HDAC9: variants seen among roughly 807,000 people sequenced by gnomAD.
The protein encoded by HDAC9 is histone deacetylase 9, also known as MEF-2 interacting transcription repressor (MITR) protein.
In HDAC9, 41 loss-of-function variants were observed where a neutral mutation model predicts 139.4. The observed-to-expected ratio is 0.29, with a 90% CI of 0.23 to 0.38. The LOEUF (loss-of-function observed/expected upper bound fraction) is 0.38. Among genes scored for constraint, HDAC9 ranks in the 10% least tolerant of loss-of-function variants. The pLI is 1.00. For synonymous variants in HDAC9, 517 were observed against 476.2 expected, an observed-to-expected ratio of 1.09 and a Z score of -1.12; for missense variants, 1,147 against 1,297.0, an observed-to-expected ratio of 0.88 and a Z score of 1.78.
At chr7:18,880,172 G>A (rs575051594) in intron 22 of HDAC9, among the ~76,000 whole-genome samples, 1 of 152,260 alleles carries the variant, frequency 6.6e-6, no homozygotes, top group African/African-American at 2.4e-5. Flanking sequence ...TGCTGGCAAG[G>A]TTGCGGAGAA....
intron 12 of HDAC9, among the ~76,000 whole-genome samples, chr7:18,723,359 C>A (rs1785282165): frequency 6.6e-6 from 1 of 152,172 alleles, no homozygotes; most frequent in Admixed American, 6.5e-5. Context: ...CTTCATGGAA[C>A]TTACTAACTA....
chr7:18,734,507 G>T (rs1370328249), intron 13 of HDAC9, among the ~76,000 whole-genome samples: 1 of 152,124 alleles, frequency 6.6e-6, no homozygotes, highest in Non-Finnish European at 1.5e-5. Context: ...GTGATAGTTT[G>T]CTGAGAATGG....
chr7:18,590,143 C>G (rs963755707), intron 3 of HDAC9, among the ~76,000 whole-genome samples, 193 bp from the exon 4 acceptor site: 1 of 152,152 alleles, frequency 6.6e-6, no homozygotes, highest in African/African-American at 2.4e-5. Flanking sequence ...CTAAAACTTG[C>G]CTGTTGATGA....
At chr7:18,139,517 C>CT (rs1411120416) in intron 1 of HDAC9, among the ~76,000 whole-genome samples, 1 of 152,092 alleles carries the variant, frequency 6.6e-6, no homozygotes, top group Non-Finnish European at 1.5e-5. Context: ...TTTGCTATTC[C>CT]TTTTTTCCGT....
At chr7:18,734,088 G>C (rs1786655314) in intron 13 of HDAC9, among the ~76,000 whole-genome samples, 1 of 151,976 alleles carries the variant, frequency 6.6e-6, no homozygotes, top group Non-Finnish European at 1.5e-5. Context: ...TAAGGTTTGT[G>C]GCAATCCTGA....
chr7:18,518,671 T>C (rs12536615), intron 2 of HDAC9, among the ~76,000 whole-genome samples: 1 of 152,156 alleles, frequency 6.6e-6, no homozygotes, highest in Non-Finnish European at 1.5e-5. Context: ...CCCACCTCCA[T>C]TAAAGCCGAC....
chr7:18,323,939 T>G (rs1462334269), intron 1 of HDAC9, among the ~76,000 whole-genome samples: 3 of 151,782 alleles, frequency 2.0e-5, no homozygotes, highest in African/African-American at 7.3e-5. Flanking sequence ...TGTTTTGTTT[T>G]TTTTTTTTTT....
At chr7:18,708,236 A>G (rs1265389080) in intron 12 of HDAC9, among the ~76,000 whole-genome samples, 1 of 152,080 alleles carries the variant, frequency 6.6e-6, no homozygotes, top group African/African-American at 2.4e-5. Context: ...AGTGGGGTCA[A>G]GGGTTTACAG....
chr7:18,246,999 G>A (rs302148), intron 2 of HDAC9, among the ~76,000 whole-genome samples: 9 of 151,816 alleles, frequency 5.9e-5, no homozygotes, highest in African/African-American at 1.5e-4. Context: ...TTGTTCTAAC[G>A]TGAGCAACTG....
chr7:18,464,658 C>T (rs541745736), intron 1 of HDAC9, among the ~76,000 whole-genome samples: 8 of 151,900 alleles, frequency 5.3e-5, no homozygotes, highest in Non-Finnish European at 1.2e-4. Context: ...TACAGTATTG[C>T]TATACTGGAT....
intron 1 of HDAC9, among the ~76,000 whole-genome samples, chr7:18,333,856 T>G (rs1038846439): frequency 6.6e-6 from 1 of 151,182 alleles, no homozygotes; most frequent in African/African-American, 2.4e-5. Context: ...TAATGACAAA[T>G]GTCTGAAAAT....
At chr7:18,440,500 A>G (rs574706026) in intron 1 of HDAC9, among the ~76,000 whole-genome samples, 1 of 152,150 alleles carries the variant, frequency 6.6e-6, no homozygotes, top group African/African-American at 2.4e-5. Flanking sequence ...ACTTCTTTAT[A>G]TTGTAATTAA....
intron 24 of HDAC9, among the ~76,000 whole-genome samples, chr7:18,959,312 C>T (rs552194409): frequency 1.3e-5 from 2 of 152,202 alleles, no homozygotes; most frequent in South Asian, 2.1e-4. Flanking sequence ...TGTGAAACCC[C>T]AAAACATGAG....
chr7:18,520,751 G>T (rs1413271318), intron 2 of HDAC9, among the ~76,000 whole-genome samples: 1 of 152,132 alleles, frequency 6.6e-6, no homozygotes, highest in Middle Eastern at 3.2e-3. Flanking sequence ...AGTACAACTA[G>T]CCTAGAGCCT....
At chr7:18,399,540 T>G (rs1175534435) in intron 1 of HDAC9, among the ~76,000 whole-genome samples, 2 of 152,166 alleles carry the variant, frequency 1.3e-5, no homozygotes, top group African/African-American at 2.4e-5. Flanking sequence ...GACAAGGGAA[T>G]CTCATAGTAA....
chr7:18,278,725 C>T (rs1157400208), intron 2 of HDAC9, among the ~76,000 whole-genome samples: 1 of 151,988 alleles, frequency 6.6e-6, no homozygotes, highest in African/African-American at 2.4e-5. Flanking sequence ...ATTTTCTGTG[C>T]TGAAGTCAAT....
At chr7:18,507,460 T>G (rs1377673298) in intron 2 of HDAC9, among the ~76,000 whole-genome samples, 1 of 151,956 alleles carries the variant, frequency 6.6e-6, no homozygotes, top group African/African-American at 2.4e-5. Context: ...CCCAAAGTGC[T>G]GGAATTACAG....
At chr7:18,129,086 TG>T in intron 1 of HDAC9, among the ~76,000 whole-genome samples, 1 of 152,286 alleles carries the variant, frequency 6.6e-6, no homozygotes, top group South Asian at 2.1e-4. Context: ...ATGCTGTGAT[TG>T]AAGCAAGGAG....
intron 2 of HDAC9, among the ~76,000 whole-genome samples, chr7:18,273,225 C>T (rs762287170): frequency 5.2e-4 from 79 of 151,768 alleles, no homozygotes; most frequent in Non-Finnish European, 1.1e-3. Context: ...CCACACCATG[C>T]CTGGCTAATT....
Sources: gnomAD v4.1 joint callset for allele counts (sites outside exome capture counted in the v4.1 genomes callset) on GRCh38, gnomAD v4.1.1 for gene constraint, MANE v1.5 for transcripts, NCBI Gene and HGNC (gene_info 2026-07-23, HGNC 2026-07-21) for gene names.